NRXN3: variants seen among roughly 807,000 people sequenced by gnomAD.
NRXN3 encodes neurexin III.
NRXN3 carries 32 observed loss-of-function variants against 137.6 expected under a neutral mutation model. The observed-to-expected ratio is 0.23, with a 90% CI of 0.18 to 0.31. The LOEUF (loss-of-function observed/expected upper bound fraction) is 0.31, where lower values mean the gene tolerates loss of function less well. Among genes scored for constraint, NRXN3 ranks in the 10% least tolerant of loss-of-function variants. The pLI is 1.00. For synonymous variants in NRXN3, 798 were observed against 784.5 expected (o/e 1.02, Z -0.29); for missense variants, 1,574 against 2,062.5 (o/e 0.76, Z 4.59).
chr14:78,707,405 C>A (rs2098362954), intron 6 of NRXN3, among the ~76,000 whole-genome samples: 2 of 152,188 alleles, frequency 1.3e-5, no homozygotes, highest in South Asian at 4.1e-4. Context: ...ATGGATACGA[C>A]ATTGCTCAGA....
chr14:78,987,316 T>A (rs2099508999), intron 14 of NRXN3, among the ~76,000 whole-genome samples: 1 of 152,156 alleles, frequency 6.6e-6, no homozygotes, highest in Admixed American at 6.5e-5. Flanking sequence ...GACATCAGCA[T>A]CCTTCAATTA....
At chr14:79,278,329 C>T (rs924422289) in intron 15 of NRXN3, among the ~76,000 whole-genome samples, 4 of 152,138 alleles carry the variant, frequency 2.6e-5, no homozygotes, top group Non-Finnish European at 4.4e-5. Flanking sequence ...GTCCTTCCTG[C>T]GCATGAGACA....
intron 4 of NRXN3, among the ~76,000 whole-genome samples, chr14:78,433,543 C>T (rs139466471): frequency 4.8e-4 from 73 of 152,236 alleles, no homozygotes; most frequent in South Asian, 4.4e-3. Context: ...GATTAGGTCA[C>T]GTGGGCTGTA....
At chr14:79,200,905 A>G (rs1326063387) in intron 15 of NRXN3, 3 of 133,040 alleles carry the variant, frequency 2.3e-5, no homozygotes, top group African/African-American at 8.5e-5. Context: ...TATGGCAACT[A>G]TCTCTCAAGT....
At chr14:79,357,917 C>T (rs1294511872) in intron 15 of NRXN3, among the ~76,000 whole-genome samples, 1 of 152,156 alleles carries the variant, frequency 6.6e-6, no homozygotes, top group Admixed American at 6.5e-5. Flanking sequence ...GTTCCTTGCT[C>T]CTTCTTTTGC....
chr14:79,210,127 A>AAATT (rs2067425814), intron 15 of NRXN3, among the ~76,000 whole-genome samples: 1 of 152,180 alleles, frequency 6.6e-6, no homozygotes, highest in Non-Finnish European at 1.5e-5. Flanking sequence ...TTGGGTAACC[A>AAATT]CCTTAATTTC....
chr14:79,692,911 T>C (rs1184810458), intron 18 of NRXN3, among the ~76,000 whole-genome samples: 2 of 152,072 alleles, frequency 1.3e-5, no homozygotes, highest in Admixed American at 1.3e-4. Flanking sequence ...ACAAACTTAT[T>C]TTACACTTCG....
rs752399488 is a variant in NRXN3, at chr14:78,966,307, T to C, written c.2678T>C (p.Met893Thr). The change falls in exon 12 of 21, where the codon ATG (methionine) becomes ACG (threonine). Residue 893 changes from methionine to threonine, a missense_variant. Met to Thr is a moderately conservative substitution (Grantham distance 81, BLOSUM62 -1). Transcript: ENST00000335750. ...GCCACTCTTCAGGCTTACACCTCCA[T>C]GCACCTCTTCTTCCAGTTCAAGACC... ...SLATLQAYTS[M>T]HLFFQFKTTS... 2 of 1,614,182 alleles carry C rather than the reference T, an allele frequency of 1.2e-6. No individual in the cohort carries two copies. Among genetic ancestry groups the C allele is most frequent in the Non-Finnish European group, 1.7e-6 (2 of 1,180,026 alleles).
At chr14:79,749,349 G>C (rs2098989880) in intron 19 of NRXN3, among the ~76,000 whole-genome samples, 1 of 152,028 alleles carries the variant, frequency 6.6e-6, no homozygotes, top group African/African-American at 2.4e-5. Context: ...GGCAGTGCTA[G>C]ATAAATTCAT....
chr14:79,464,357 A>G (rs548700435), intron 15 of NRXN3, among the ~76,000 whole-genome samples: 11 of 152,294 alleles, frequency 7.2e-5, no homozygotes, highest in African/African-American at 2.4e-4. Flanking sequence ...ATAATTTTAA[A>G]TCAAATTTTT....
At chr14:78,537,311 A>G (rs1335246658) in intron 4 of NRXN3, among the ~76,000 whole-genome samples, 2 of 152,192 alleles carry the variant, frequency 1.3e-5, no homozygotes, top group Admixed American at 6.5e-5. Flanking sequence ...AACTGGTGTG[A>G]GATGCTATCT....
rs1046961537 is a variant in NRXN3 at position 78,242,659 on chromosome 14, G to C, written c.-435G>C. 6.1e-6 allele frequency: 1 copy of C among 163,310 alleles called. No individual in the cohort carries two copies. The highest frequency in any genetic ancestry group is 2.4e-5 in the African/African-American group (1 of 41,760). The allele number at this position is 163,310 out of a possible 1,614,324, so 10.1% of individuals were successfully genotyped here. ...GGCCCTCCCTGTCCCTGGCCTCCCT[G>C]GCTGGGGCATTTGGGGGTCCGCTGG... On this transcript the variant is annotated 5_prime_UTR_variant, in exon 2 of 21. Transcript: ENST00000335750.
intron 19 of NRXN3, among the ~76,000 whole-genome samples, chr14:79,729,638 AAGG>A (rs759026818): frequency 2.0e-4 from 31 of 152,214 alleles, no homozygotes; most frequent in Non-Finnish European, 3.7e-4. Context: ...GAGAGAATTG[AAGG>A]AGGTGTGCTG....
At chr14:79,775,466 T>C (rs1003462522) in intron 19 of NRXN3, among the ~76,000 whole-genome samples, 1 of 149,052 alleles carries the variant, frequency 6.7e-6, no homozygotes, top group Non-Finnish European at 1.5e-5. Flanking sequence ...CAGAGAAAGA[T>C]TAAATTATTC....
At chr14:79,120,056 G>A (rs2055140409) in intron 15 of NRXN3, among the ~76,000 whole-genome samples, 1 of 151,952 alleles carries the variant, frequency 6.6e-6, no homozygotes, top group South Asian at 2.1e-4. Flanking sequence ...AACTTAGCTT[G>A]TTTTAATCAA....
At chr14:79,712,782 T>C (rs2098809130) in intron 19 of NRXN3, among the ~76,000 whole-genome samples, 2 of 152,204 alleles carry the variant, frequency 1.3e-5, no homozygotes, top group South Asian at 4.1e-4. Flanking sequence ...TGCTTTAGTC[T>C]GGGCTGGGCG....
At chr14:78,817,806 C>G (rs2098938592) in intron 10 of NRXN3, among the ~76,000 whole-genome samples, 1 of 152,006 alleles carries the variant, frequency 6.6e-6, no homozygotes, top group African/African-American at 2.4e-5. Context: ...ATGAGGGATT[C>G]ACCCCGTGAC....
chr14:79,661,732 C>T (rs1344904276), intron 16 of NRXN3: 2 of 152,080 alleles, frequency 1.3e-5, no homozygotes. Context: ...TCACATTCTT[C>T]TTTTTCTTTT....
intron 1 of NRXN3, among the ~76,000 whole-genome samples, chr14:78,229,154 T>C (rs77252373): frequency 0.01 from 1,590 of 152,212 alleles, 36 homozygotes; most frequent in African/African-American, 0.036. Context: ...TCTGTAGAGT[T>C]TCACACTATA....
Sources: gnomAD v4.1 joint callset for allele counts (sites outside exome capture counted in the v4.1 genomes callset) on GRCh38, gnomAD v4.1.1 for gene constraint, MANE v1.5 for transcripts, NCBI Gene and HGNC (gene_info 2026-07-23, HGNC 2026-07-21) for gene names.